Variants in TOM1L2 observed in about 807,000 individuals in gnomAD.
TOM1L2 encodes TOM1-like protein 2.
In TOM1L2, 31 loss-of-function variants were observed where a neutral mutation model predicts 67.9. That is an observed-to-expected ratio of 0.46 (90% CI 0.34 to 0.62). The LOEUF is 0.62. Among genes scored for constraint, TOM1L2 ranks in the 20% least tolerant of loss-of-function variants. The probability of loss-of-function intolerance (pLI) is 0.01; values close to 1 mark genes in which losing one functional copy is unlikely to be tolerated. For synonymous variants in TOM1L2, 256 were observed against 254.0 expected (o/e 1.01, Z -0.07); for missense variants, 606 against 663.5 (o/e 0.91, Z 0.95).
intron 7 of TOM1L2, among the ~76,000 whole-genome samples, chr17:17,879,404 C>CA (rs1261544694): frequency 2.9e-5 from 3 of 102,318 alleles, no homozygotes; most frequent in African/African-American, 1.1e-4. Flanking sequence ...ATTTTATAAT[C>CA]AGGAAAAAAA....
chr17:17,909,774 A>C (rs2039262489), intron 1 of TOM1L2, among the ~76,000 whole-genome samples: 1 of 152,178 alleles, frequency 6.6e-6, no homozygotes, highest in South Asian at 2.1e-4. Context: ...TCACACCTGT[A>C]ATCTCAGAAC....
In TOM1L2 at chr17:17,847,797, C is replaced by T. The variant is rs1384745407; in HGVS notation, c.1376-14G>A. 6.2e-7 allele frequency: 1 copy of T among 1,613,806 alleles called. No homozygotes were observed. The highest frequency in any genetic ancestry group is 1.7e-5 in the Admixed American group (1 of 60,002). On this transcript the variant is annotated splice_polypyrimidine_tract_variant and intron_variant, in intron 14 of 14. Coordinates refer to ENST00000379504, the MANE Select transcript of TOM1L2 (RefSeq NM_001082968.2). ...ATTTATCAAACTCTGCAATACAAAC[C>T]AAGGCAAGGGTCAGGGTTGGTGAGG...
chr17:17,970,850 G>T (rs914498472), intron 1 of TOM1L2, among the ~76,000 whole-genome samples: 1 of 152,166 alleles, frequency 6.6e-6, no homozygotes, highest in Non-Finnish European at 1.5e-5. Flanking sequence ...GAACACCAAA[G>T]ATCCTGGCTC....
In TOM1L2 at chr17:17,893,689, A is replaced by G. The variant is rs1464114114; in HGVS notation, c.338T>C (p.Val113Ala). 1 of 1,614,044 alleles carries G rather than the reference A, an allele frequency of 6.2e-7. No homozygotes were observed. The highest frequency in any genetic ancestry group is 8.5e-7 in the Non-Finnish European group (1 of 1,180,022). Residue 113 changes from valine (V) to alanine (A), a missense_variant, in exon 4 of 15, where the codon GTA becomes GCA. Around this residue, in one of 2 missense-constraint regions of TOM1L2, gnomAD observed 543 missense variants for 554.0 expected, o/e 0.98. Coordinates refer to ENST00000379504, the MANE Select transcript of TOM1L2 (RefSeq NM_001082968.2). Reference sequence around the variant, plus strand: ...GATCAGAGCAAGCACTTTGTCCTGTACAATGGTGGGAGGGTTGTTCTTGGG... The same window carrying G: ...GATCAGAGCAAGCACTTTGTCCTGTGCAATGGTGGGAGGGTTGTTCTTGGG... ...ISPKNNPPTI[V>A]QDKVLALIQA... is the part of the protein sequence containing the mutation.
intron 1 of TOM1L2, among the ~76,000 whole-genome samples, chr17:17,935,401 A>C (rs1039172390): frequency 3.3e-5 from 5 of 152,192 alleles, no homozygotes; most frequent in Admixed American, 2.0e-4. Context: ...CCTTGATTTA[A>C]ATTGGGCTTG....
At chr17:17,932,770 G>A (rs2040387156) in intron 1 of TOM1L2, among the ~76,000 whole-genome samples, 1 of 152,054 alleles carries the variant, frequency 6.6e-6, no homozygotes, top group Non-Finnish European at 1.5e-5. Flanking sequence ...ATATGGAAAT[G>A]GTTCTCCCAT....
rs1452358407 is a variant in TOM1L2 at position 17,844,146 on chromosome 17, G to A, written c.*3489C>T. 2 of 152,456 alleles carry A rather than the reference G, an allele frequency of 1.3e-5. No homozygotes were observed. The highest frequency in any genetic ancestry group is 2.4e-5 in the African/African-American group (1 of 41,456). The allele number at this position is 152,456 out of a possible 1,614,324, so 9.4% of individuals were successfully genotyped here. On this transcript the variant is annotated 3_prime_UTR_variant, in exon 15 of 15. Transcript: ENST00000379504. ...AGTGCTCCTCCACACTGCTCTTCCA[G>A]AGCTGCCCCAGGGGCTGGCCTGGCC...
At chr17:17,884,954 C>G (rs2037921585) in intron 4 of TOM1L2, among the ~76,000 whole-genome samples, 186 bp from the exon 5 acceptor site, 3 of 152,250 alleles carry the variant, frequency 2.0e-5, no homozygotes, top group Admixed American at 1.3e-4. Context: ...TGGTGAAACC[C>G]TGGCTTTCAA....
chr17:17,857,920 G>C (rs1568069130), intron 12 of TOM1L2: 3 of 1,410,546 alleles, frequency 2.1e-6, no homozygotes, highest in Non-Finnish European at 2.9e-6. Context: ...TGTGGAAACA[G>C]AAAAGTCACT....
At chr17:17,882,901 C>T in intron 5 of TOM1L2, 38 bp from the exon 6 acceptor site, 1 of 1,609,988 alleles carries the variant, frequency 6.2e-7, no homozygotes, top group Non-Finnish European at 8.5e-7. Context: ...TTTACCTGGG[C>T]TGCCTGCATA....
At chr17:17,956,886 T>C (rs938100599) in intron 1 of TOM1L2, among the ~76,000 whole-genome samples, 1 of 152,144 alleles carries the variant, frequency 6.6e-6, no homozygotes, top group Non-Finnish European at 1.5e-5. Context: ...GGGAGGCGGC[T>C]CCGGCCTCGG....
chr17:17,895,731 A>G (rs893570573), intron 3 of TOM1L2, among the ~76,000 whole-genome samples: 2 of 152,218 alleles, frequency 1.3e-5, no homozygotes, highest in African/African-American at 4.8e-5. Context: ...TCCTCCAAGC[A>G]GCCACATCAG....
chr17:17,938,743 A>G (rs1043265251), intron 1 of TOM1L2, among the ~76,000 whole-genome samples: 1 of 149,580 alleles, frequency 6.7e-6, no homozygotes, highest in Non-Finnish European at 1.5e-5. Context: ...TTTAATCCTC[A>G]CCATGAGGCA....
At chr17:17,966,239 G>A (rs930018855) in intron 1 of TOM1L2, among the ~76,000 whole-genome samples, 2 of 152,030 alleles carry the variant, frequency 1.3e-5, no homozygotes, top group African/African-American at 4.8e-5. Flanking sequence ...ATCCAATCTT[G>A]CAACTACTTT....
chr17:17,896,744 G>GT (rs1349787843), intron 3 of TOM1L2, among the ~76,000 whole-genome samples: 1 of 152,216 alleles, frequency 6.6e-6, no homozygotes, highest in African/African-American at 2.4e-5. Context: ...CAGAAGTGAT[G>GT]TTTAAGTCCA....
Position 17,931,573 on chromosome 17 carries a change from G to A in TOM1L2, c.53-24042C>T, listed in dbSNP as rs113506356. Reference sequence around the variant, plus strand: ...TATCTGTCTTCTCTCCCCCTCCCCCGTACAAAATGAGCTCCTTGAAAGGCA... The same window carrying A: ...TATCTGTCTTCTCTCCCCCTCCCCCATACAAAATGAGCTCCTTGAAAGGCA... On this transcript the variant is annotated intron_variant, in intron 1 of 14. Coordinates refer to ENST00000379504, the MANE Select transcript of TOM1L2 (RefSeq NM_001082968.2). Among the ~76,000 whole-genome samples, 364 of 152,130 alleles carry A rather than the reference G, an allele frequency of 2.4e-3. 1 individual carries two copies. The highest frequency in any genetic ancestry group is 8.1e-3 in the African/African-American group (338 of 41,496).
chr17:17,957,241 A>G (rs1414394319), intron 1 of TOM1L2, among the ~76,000 whole-genome samples: 1 of 152,232 alleles, frequency 6.6e-6, no homozygotes, highest in African/African-American at 2.4e-5. Context: ...TTGGCCTCCC[A>G]AAGTGCTGGG....
At chr17:17,943,236 C>T (rs1336211929) in intron 1 of TOM1L2, among the ~76,000 whole-genome samples, 1 of 152,180 alleles carries the variant, frequency 6.6e-6, no homozygotes. Flanking sequence ...GTTCTGTCCC[C>T]AAATTCTGAG....
chr17:17,895,027 G>C (rs534665692), intron 3 of TOM1L2, among the ~76,000 whole-genome samples: 1 of 152,036 alleles, frequency 6.6e-6, no homozygotes, highest in Non-Finnish European at 1.5e-5. Context: ...ATCCTGCATA[G>C]GGGAGGTGCC....
Sources: allele counts gnomAD v4.1 joint callset (sites outside exome capture counted in the v4.1 genomes callset), GRCh38; gene constraint gnomAD v4.1.1; regional missense constraint gnomAD v4.1.1; transcripts MANE v1.5; gene names NCBI Gene and HGNC (gene_info 2026-07-23, HGNC 2026-07-21).